The following KLHL3 variants were observed in gnomAD, a reference collection of about 807,000 sequenced individuals.
KLHL3 encodes kelch-like protein 3.
Under a neutral mutation model 70.5 loss-of-function variants are expected in KLHL3, and 19 were observed. That is an observed-to-expected ratio of 0.27 (90% CI 0.19 to 0.40). The LOEUF is 0.40. KLHL3 is among the 10% of genes least tolerant of loss of function. KLHL3 has a pLI of 1.00. For synonymous variants in KLHL3, 258 were observed against 290.3 expected, an observed-to-expected ratio of 0.89 and a Z score of 1.13; for missense variants, 512 against 771.1, an observed-to-expected ratio of 0.66 and a Z score of 3.98.
Position 137,639,630 on chromosome 5 carries a change from G to T in KLHL3, c.1021+230C>A, listed in dbSNP as rs780208649. 6.6e-6 allele frequency among the ~76,000 whole-genome samples: 1 copy of T among 151,052 alleles called. No homozygotes were observed. The highest frequency in any genetic ancestry group is 2.4e-5 in the African/African-American group (1 of 41,052). On this transcript the variant is annotated intron_variant, in intron 9 of 14. Coordinates refer to ENST00000309755, the MANE Select transcript of KLHL3 (RefSeq NM_017415.3). The surrounding 1 kb of genome is among the most constrained non-coding windows in gnomAD (Gnocchi z 5.0). ...AATCACTTGAACCCAGGAGGCAGAC[G>T]TTGCAGTGAGCCGAGATCATGACAC...
chr5:137,698,682 C>T (rs1752501226), intron 3 of KLHL3, among the ~76,000 whole-genome samples: 2 of 152,158 alleles, frequency 1.3e-5, no homozygotes, highest in South Asian at 4.1e-4. Context: ...TGCAATCACT[C>T]ATTTAACCAA....
intron 6 of KLHL3, among the ~76,000 whole-genome samples, chr5:137,663,056 CTTTTTTT>C (rs139890036): frequency 1.3e-5 from 1 of 77,922 alleles, no homozygotes; most frequent in African/African-American, 5.4e-5. Context: ...AGCACTCGTT[CTTTTTTT>C]TTTTTTTTTT....
At chr5:137,727,158 A>G (rs1753097586) in intron 1 of KLHL3, among the ~76,000 whole-genome samples, 1 of 152,074 alleles carries the variant, frequency 6.6e-6, no homozygotes, top group Non-Finnish European at 1.5e-5. Context: ...TCTATCTCAG[A>G]GGCATAACCA....
chr5:137,626,749 A>G (rs1306438015), intron 13 of KLHL3, among the ~76,000 whole-genome samples: 1 of 152,202 alleles, frequency 6.6e-6, no homozygotes, highest in Admixed American at 6.5e-5. Context: ...CACACCTGTA[A>G]TCCCAGCACT....
chr5:137,672,766 T>G (rs1751792493), intron 6 of KLHL3: 1 of 152,220 alleles, frequency 6.6e-6, no homozygotes, highest in South Asian at 2.1e-4. Flanking sequence ...CATATCTCTT[T>G]CCTTAGAGTG....
At chr5:137,655,717 C>T (rs1352507399) in intron 8 of KLHL3, among the ~76,000 whole-genome samples, 1 of 152,154 alleles carries the variant, frequency 6.6e-6, no homozygotes, top group Non-Finnish European at 1.5e-5. Flanking sequence ...GGCACAGTGG[C>T]TCACACCTAC....
intron 4 of KLHL3, among the ~76,000 whole-genome samples, chr5:137,698,029 C>T (rs79936764): frequency 0.01 from 1,540 of 152,326 alleles, 27 homozygotes; most frequent in African/African-American, 0.035. Context: ...CTTCTACTCC[C>T]GGGGCCCAGG....
At chr5:137,652,606 A>G (rs947422857) in intron 8 of KLHL3, among the ~76,000 whole-genome samples, 1 of 152,222 alleles carries the variant, frequency 6.6e-6, no homozygotes, top group African/African-American at 2.4e-5. Flanking sequence ...CGCGGAATCT[A>G]AAAAAGTTAA....
At chr5:137,687,247 GC>G (rs1313852862) in intron 5 of KLHL3, among the ~76,000 whole-genome samples, 3 of 31,820 alleles carry the variant, frequency 9.4e-5, no homozygotes, top group African/African-American at 3.6e-4. Flanking sequence ...GGAGGGAGGC[GC>G]GGGGGGGGGT....
intron 8 of KLHL3, among the ~76,000 whole-genome samples, chr5:137,654,106 T>G (rs988718274): frequency 1.3e-5 from 2 of 152,156 alleles, no homozygotes; most frequent in African/African-American, 4.8e-5. Flanking sequence ...AGAAGAGGAT[T>G]GACTACAAAG....
chr5:137,689,971 G>A (rs1026952105), intron 5 of KLHL3, among the ~76,000 whole-genome samples: 6 of 152,200 alleles, frequency 3.9e-5, no homozygotes, highest in African/African-American at 1.4e-4. Context: ...CACAGAAGAA[G>A]GAGACAGAAT....
intron 8 of KLHL3, chr5:137,647,477 G>A: frequency 4.3e-6 from 2 of 467,060 alleles, no homozygotes; most frequent in South Asian, 3.1e-5. Context: ...TCAGGTGAGA[G>A]GAACAATCTG....
At chr5:137,685,367 A>G (rs1439837896) in intron 5 of KLHL3, among the ~76,000 whole-genome samples, 1 of 152,258 alleles carries the variant, frequency 6.6e-6, no homozygotes. Flanking sequence ...AATAAGATAT[A>G]GCCATACACA....
chr5:137,690,170 AC>A (rs1264255737), intron 5 of KLHL3, among the ~76,000 whole-genome samples: 1 of 152,216 alleles, frequency 6.6e-6, no homozygotes, highest in Non-Finnish European at 1.5e-5. Context: ...TACTAAAAAT[AC>A]AAAAAATTAG....
chr5:137,665,558 A>C (rs1383315148), intron 6 of KLHL3, among the ~76,000 whole-genome samples: 2 of 152,226 alleles, frequency 1.3e-5, no homozygotes, highest in Non-Finnish European at 2.9e-5. Flanking sequence ...AGACTACATG[A>C]ATGTTCATTC....
chr5:137,633,333 G>A (rs1048466409), intron 12 of KLHL3, among the ~76,000 whole-genome samples: 1 of 149,046 alleles, frequency 6.7e-6, no homozygotes, highest in African/African-American at 2.5e-5. Flanking sequence ...TAGCATGGTT[G>A]CAGAGAAAAG....
At chr5:137,669,140 A>T (rs1328619210) in intron 6 of KLHL3, among the ~76,000 whole-genome samples, 1 of 152,146 alleles carries the variant, frequency 6.6e-6, no homozygotes, top group Non-Finnish European at 1.5e-5. Context: ...ATTACCCAAC[A>T]AATTAGTGAG....
At chr5:137,684,408 CA>C (rs909230792) in intron 5 of KLHL3, among the ~76,000 whole-genome samples, 2 of 152,028 alleles carry the variant, frequency 1.3e-5, no homozygotes, top group African/African-American at 4.8e-5. Context: ...AATGATTTTC[CA>C]AATTTTTCTG....
At chr5:137,699,340 G>C (rs1752518163) in intron 3 of KLHL3, among the ~76,000 whole-genome samples, 1 of 152,172 alleles carries the variant, frequency 6.6e-6, no homozygotes, top group Non-Finnish European at 1.5e-5. Context: ...GAGTAACAGT[G>C]AGAAGAAGGA....
Sources: allele counts gnomAD v4.1 joint callset (sites outside exome capture counted in the v4.1 genomes callset), GRCh38; gene constraint gnomAD v4.1.1; non-coding constraint Gnocchi (gnomAD v3.1); transcripts MANE v1.5; gene names NCBI Gene and HGNC (gene_info 2026-07-23, HGNC 2026-07-21).